Variants in ZNF488 observed in about 807,000 individuals in gnomAD.
ZNF488 encodes the protein zinc finger protein 488.
Under a neutral mutation model 1.2 loss-of-function variants are expected in ZNF488, and 1 was observed. The observed-to-expected ratio is 0.86, with a 90% CI of 0.30 to 4.07. The LOEUF is 4.07. Among genes scored for constraint, ZNF488 ranks in the 30% most tolerant of loss-of-function variants. The probability of loss-of-function intolerance (pLI) is 0.18; values close to 1 mark genes in which losing one functional copy is unlikely to be tolerated. For synonymous variants in ZNF488, 185 were observed against 190.1 expected (o/e 0.97, Z 0.22); for missense variants, 450 against 437.9 (o/e 1.03, Z -0.25).
At chr10:47,383,539 T>C (rs1352110366) in intron 1 of ZNF488, among the ~76,000 whole-genome samples, 2 of 152,320 alleles carry the variant, frequency 1.3e-5, no homozygotes, top group Admixed American at 6.5e-5. Flanking sequence ...AAAGGCAAAA[T>C]GTCAAGGAAA....
chr10:47,374,372 A>C (rs1555214182), intron 1 of ZNF488, among the ~76,000 whole-genome samples: 2 of 152,188 alleles, frequency 1.3e-5, no homozygotes, highest in African/African-American at 4.8e-5. Context: ...TGCTCTTCTA[A>C]TGTTCATGAA....
Position 47,368,165 on chromosome 10 carries a change from G to A in ZNF488, c.665C>T (p.Ala222Val). The A allele has an allele frequency of 6.2e-7, 1 of 1,614,158 alleles. No homozygotes were observed. The highest frequency in any genetic ancestry group is 8.5e-7 in the Non-Finnish European group (1 of 1,180,020). Residue 222 changes from alanine (A) to valine (V), a missense_variant, in exon 2 of 2, where the codon GCA (alanine) becomes GTA (valine). Physicochemically the swap from Ala to Val is moderately conservative, Grantham distance 64 (BLOSUM62 0). Coordinates refer to ENST00000585316, the MANE Select transcript of ZNF488 (RefSeq NM_153034.4). ...LLVGDLWNLQALPQNAPLCST... is the reference protein window; with the variant it reads ...LLVGDLWNLQVLPQNAPLCST... ...ACAGAGTGGAGCATTCTGTGGCAATGCTTGCAAGTTCCACAAATCACCAAC... is the reference window on the plus strand; with the variant it reads ...ACAGAGTGGAGCATTCTGTGGCAATACTTGCAAGTTCCACAAATCACCAAC...
intron 1 of ZNF488, among the ~76,000 whole-genome samples, chr10:47,378,589 C>T (rs1382957875): frequency 6.6e-6 from 1 of 152,192 alleles, no homozygotes; most frequent in African/African-American, 2.4e-5. Flanking sequence ...CCCTGCTTCC[C>T]GCCCAGCCAT....
chr10:47,374,147 G>C (rs1038786990), intron 1 of ZNF488, among the ~76,000 whole-genome samples: 9 of 152,226 alleles, frequency 5.9e-5, no homozygotes, highest in Non-Finnish European at 1.3e-4. Flanking sequence ...TTGCTCAGCT[G>C]CAAAATGAGG....
rs1837317565 is a variant in ZNF488, at chr10:47,368,436, G to C, written c.394C>G (p.Pro132Ala). The change falls in exon 2 of 2, where the codon CCA (proline) becomes GCA (alanine). Residue 132 changes from proline (P) to alanine (A), a missense_variant. Transcript: ENST00000585316. ...HDDPTGQPGA[P>A]QLTQNIPRGP... is the part of the protein sequence containing the mutation. ...CTGGGGATGTTCTGGGTCAGCTGTG[G>C]GGCACCAGGTTGGCCTGTGGGGTCA... 1 of 1,614,128 alleles carries C rather than the reference G, an allele frequency of 6.2e-7. No homozygotes were observed. Among genetic ancestry groups the C allele is most frequent in the African/African-American group, 1.3e-5 (1 of 75,050 alleles).
At chr10:47,376,003 T>G (rs1424081148) in intron 1 of ZNF488, among the ~76,000 whole-genome samples, 1 of 152,206 alleles carries the variant, frequency 6.6e-6, no homozygotes, top group South Asian at 2.1e-4. Flanking sequence ...TAAGATCACA[T>G]GGTCTAGCCA....
At chr10:47,379,390 A>G (rs1837820576) in intron 1 of ZNF488, among the ~76,000 whole-genome samples, 1 of 149,928 alleles carries the variant, frequency 6.7e-6, no homozygotes, top group Non-Finnish European at 1.5e-5. Context: ...TGAATTAAAT[A>G]TCCCACCCAG....
Position 47,367,492 on chromosome 10 carries a change from G to A in ZNF488, c.*315C>T, listed in dbSNP as rs1442458757. 4 of 390,126 alleles carry A rather than the reference G, an allele frequency of 1.0e-5. No individual in the cohort carries two copies. The highest frequency in any genetic ancestry group is 1.9e-5 in the Non-Finnish European group (4 of 209,356). The allele number at this position is 390,126 out of a possible 1,614,324, so 24.2% of individuals were successfully genotyped here. ...CCAGGGTCACAGCTAGTATGTGAAA[G>A]AGCCCAGATTCGAATCCAGGCTTGT... On this transcript the variant is annotated 3_prime_UTR_variant, in exon 2 of 2. Transcript: ENST00000585316.
Position 47,368,762 on chromosome 10 carries a change from C to T in ZNF488, c.68G>A (p.Gly23Glu). Residue 23 changes from glycine (G) to glutamate (E), a missense_variant, in exon 2 of 2, where the codon GGA becomes GAA. By Grantham distance (98) the Gly-to-Glu change is moderately conservative (BLOSUM62 -2). Coordinates refer to ENST00000585316, the MANE Select transcript of ZNF488 (RefSeq NM_153034.4). ...TTCAGCCGATGGGCTCAACGGGGCT[C>T]CCTTCCCAGCTGCCATGGTGATCAC... ...ALVITMAAGK[G>E]APLSPSAENR... The T allele has an allele frequency of 6.2e-7, 1 of 1,612,858 alleles. No individual in the cohort carries two copies. Among genetic ancestry groups the T allele is most frequent in the Non-Finnish European group, 8.5e-7 (1 of 1,179,770 alleles).
intron 1 of ZNF488, among the ~76,000 whole-genome samples, chr10:47,378,538 T>G (rs1837783771): frequency 6.6e-6 from 1 of 152,226 alleles, no homozygotes; most frequent in Non-Finnish European, 1.5e-5. Flanking sequence ...CATGGCTTGC[T>G]ATGCATAAAT....
chr10:47,383,523 A>C (rs1371515792), intron 1 of ZNF488, among the ~76,000 whole-genome samples: 1 of 152,214 alleles, frequency 6.6e-6, no homozygotes. Context: ...GTCTGTGTCT[A>C]TTAGTAAAGG....
At chr10:47,376,262 T>C (rs1565783867) in intron 1 of ZNF488, among the ~76,000 whole-genome samples, 1 of 152,100 alleles carries the variant, frequency 6.6e-6, no homozygotes, top group Non-Finnish European at 1.5e-5. Context: ...TCTCTGGGTG[T>C]TGATGGATGA....
intron 1 of ZNF488, among the ~76,000 whole-genome samples, chr10:47,377,592 T>C (rs1837723191): frequency 7.8e-6 from 1 of 128,880 alleles, no homozygotes. Flanking sequence ...ATGCCGGCAA[T>C]AACAATCTCA....
At chr10:47,377,711 A>ACACACG (rs1837741970) in intron 1 of ZNF488, among the ~76,000 whole-genome samples, 1 of 123,256 alleles carries the variant, frequency 8.1e-6, no homozygotes, top group Non-Finnish European at 1.7e-5. Flanking sequence ...ACACACACAC[A>ACACACG]CACACACGGC....
At chr10:47,376,997 C>T (rs1425377459) in intron 1 of ZNF488, among the ~76,000 whole-genome samples, 7 of 152,238 alleles carry the variant, frequency 4.6e-5, no homozygotes, top group Admixed American at 3.3e-4. Flanking sequence ...GTTGCAGAGA[C>T]CACCTTCAGC....
In ZNF488 at chr10:47,368,113, C is replaced by A. The variant is rs781946261; in HGVS notation, c.717G>T (p.Leu239=). The A allele has an allele frequency of 1.2e-6, 2 of 1,614,068 alleles. No individual in the cohort carries two copies. The highest frequency in any genetic ancestry group is 3.3e-5 in the Admixed American group (2 of 60,004). The change falls in exon 2 of 2, where the codon CTG becomes CTT. Residue 239 remains leucine (L), a synonymous_variant. Transcript: ENST00000585316. ...CCTGGGCCTGGGTATGCTCCAGCCA[C>A]AGTGTAGGGGCACCCAGAAAAGTGC... ...LCSTFLGAPT[L]WLEHTQAQVP... is the part of the protein sequence containing the mutation.
chr10:47,383,623 A>G (rs1221606728), intron 1 of ZNF488, among the ~76,000 whole-genome samples: 1 of 152,234 alleles, frequency 6.6e-6, no homozygotes, highest in Non-Finnish European at 1.5e-5. Flanking sequence ...TTATAATGTG[A>G]TCATTTGGTA....
In ZNF488 at chr10:47,368,321, G is replaced by A. The variant is rs1555213218; in HGVS notation, c.509C>T (p.Pro170Leu). 6.2e-7 allele frequency: 1 copy of A among 1,614,200 alleles called. No individual in the cohort carries two copies. The highest frequency in any genetic ancestry group is 2.2e-5 in the East Asian group (1 of 44,874). The change falls in exon 2 of 2, where the codon CCA becomes CTA. Residue 170 changes from proline to leucine, a missense_variant. Coordinates refer to ENST00000585316, the MANE Select transcript of ZNF488 (RefSeq NM_153034.4). ...RSAFSKPTKR[P>L]AERPELTSVF... ...TGAGGTTAGCTCAGGCCTCTCTGCT[G>A]GTCGCTTGGTTGGTTTGCTAAAGGC...
chr10:47,368,690 G>T lies in ZNF488; in HGVS notation c.140C>A (p.Pro47Gln). 1.9e-6 allele frequency: 3 copies of T among 1,612,788 alleles called. No homozygotes were observed. The highest frequency in any genetic ancestry group is 2.5e-6 in the Non-Finnish European group (3 of 1,180,034). Reference sequence around the variant, plus strand: ...GCGGTTCGTCTTCTCGAGCAGCACTGGCTTGCAGCCCCGGCCCAGCTCAGG... The same window carrying T: ...GCGGTTCGTCTTCTCGAGCAGCACTTGCTTGCAGCCCCGGCCCAGCTCAGG... ...SEPELGRGCK[P>Q]VLLEKTNRLG... Residue 47 changes from proline (P) to glutamine (Q), a missense_variant, in exon 2 of 2, where the codon CCA (proline) becomes CAA (glutamine). By Grantham distance (76) the Pro-to-Gln change is moderately conservative. Coordinates refer to ENST00000585316, the MANE Select transcript of ZNF488 (RefSeq NM_153034.4).
Sources: gnomAD v4.1 joint callset for allele counts (sites outside exome capture counted in the v4.1 genomes callset) on GRCh38, gnomAD v4.1.1 for gene constraint, MANE v1.5 for transcripts, NCBI Gene and HGNC (gene_info 2026-07-23, HGNC 2026-07-21) for gene names.